IL36G: variants seen among roughly 807,000 people sequenced by gnomAD.
The protein encoded by IL36G is interleukin 36 gamma.
IL36G carries 10 observed loss-of-function variants against 13.5 expected under a neutral mutation model. The observed-to-expected ratio is 0.74, with a 90% confidence interval of 0.46 to 1.26. IL36G has a LOEUF of 1.26. Ranked by LOEUF, IL36G falls within the 50% of genes most tolerant of loss-of-function variation. The pLI, the probability that IL36G is intolerant of heterozygous loss-of-function variation, is 0.00. For missense variants in IL36G, 199 were observed against 203.0 expected (o/e 0.98, Z 0.12); for synonymous variants, 84 against 74.0 (o/e 1.13, Z -0.69).
At chr2:112,980,248 A>G in intron 4 of IL36G, 100 bp downstream of exon 4, 2 of 998,260 alleles carry the variant, frequency 2.0e-6, no homozygotes, top group African/African-American at 3.3e-5. Context: ...TCATCTTCCT[A>G]AGCATATTTA....
intron 4 of IL36G, among the ~76,000 whole-genome samples, chr2:112,980,673 C>A (rs1167251575): frequency 6.6e-5 from 10 of 152,200 alleles, no homozygotes; most frequent in Non-Finnish European, 1.5e-4. Flanking sequence ...AGAAACAGAA[C>A]CACTGCTCTT....
At position 112,980,012 on chromosome 2, in the gene IL36G, C is replaced by T. The variant is rs1234254103; in HGVS notation, c.164C>T (p.Thr55Ile). ...VPRSDSVTPV[T>I]VAVITCKYPE... ...ATCTCTCCTCTTATCTTTACAGTCA[C>T]TGTTGCTGTTATCACATGCAAGTAT... Residue 55 changes from threonine (T) to isoleucine (I), a missense_variant, in exon 4 of 5, where the codon ACT becomes ATT. Physicochemically the swap from Thr to Ile is moderately conservative, Grantham distance 89. Transcript: ENST00000259205. 1.9e-6 allele frequency: 3 copies of T among 1,612,620 alleles called. No homozygotes were observed. Among genetic ancestry groups the T allele is most frequent in the Non-Finnish European group, 2.5e-6 (3 of 1,179,496 alleles).
At chr2:112,981,213 C>A (rs1684255503) in intron 4 of IL36G, 4 of 1,301,518 alleles carry the variant, frequency 3.1e-6, no homozygotes, top group Non-Finnish European at 4.4e-6. Context: ...CCTGTTTTGG[C>A]ATCTCTATTT....
chr2:112,978,675 A>C lies in IL36G; in HGVS notation c.37A>C (p.Arg13=). The change falls in exon 2 of 5, where the codon AGG becomes CGG. Residue 13 remains arginine (R), a synonymous_variant. Transcript: ENST00000259205. ...GTPGDADGGG[R]AVYQSMCKPI... Reference sequence around the variant, plus strand: ...TCCAGGAGACGCTGATGGTGGAGGAAGGGCCGTCTATCAATCAAGTGAATC... The same window carrying C: ...TCCAGGAGACGCTGATGGTGGAGGACGGGCCGTCTATCAATCAAGTGAATC... 6.2e-7 allele frequency: 1 copy of C among 1,614,056 alleles called. No individual in the cohort carries two copies. Among genetic ancestry groups the C allele is most frequent in the Non-Finnish European group, 8.5e-7 (1 of 1,179,930 alleles).
At chr2:112,980,263 C>A in intron 4 of IL36G, 115 bp downstream of exon 4, 1 of 902,788 alleles carries the variant, frequency 1.1e-6, no homozygotes, top group Non-Finnish European at 1.6e-6. Flanking sequence ...TATTTATTCC[C>A]AGCCTCTTTT....
intron 4 of IL36G, among the ~76,000 whole-genome samples, chr2:112,983,712 G>A (rs185156922): frequency 3.4e-4 from 52 of 152,270 alleles, no homozygotes; most frequent in Non-Finnish European, 6.3e-4. Flanking sequence ...GCTGGGTGGC[G>A]TAGACCCTGT....
chr2:112,980,397 C>T (rs568634137), intron 4 of IL36G, among the ~76,000 whole-genome samples: 2 of 151,734 alleles, frequency 1.3e-5, no homozygotes, highest in South Asian at 4.2e-4. Flanking sequence ...TTTCCATAAA[C>T]ATTCATGGTA....
intron 4 of IL36G, chr2:112,981,095 T>C (rs1684253078): frequency 1.3e-5 from 10 of 778,898 alleles, no homozygotes; most frequent in Non-Finnish European, 2.2e-5. Flanking sequence ...TTTATAAAAC[T>C]TGATAAAAAA....
At chr2:112,978,817 C>T in intron 2 of IL36G, 124 bp downstream of exon 2, 1 of 932,034 alleles carries the variant, frequency 1.1e-6, no homozygotes, top group Non-Finnish European at 1.7e-6. Flanking sequence ...CCTGGTGCTG[C>T]CCACCTACCA....
chr2:112,980,087 A>G lies in IL36G; in HGVS notation c.239A>G (p.Gln80Arg), dbSNP rs955696320. The G allele has an allele frequency of 9.9e-6, 16 of 1,614,008 alleles. No individual in the cohort carries two copies. In the Admixed American group the frequency reaches 2.5e-4, roughly 25 times the overall value. The change falls in exon 4 of 5, where the codon CAG (glutamine) becomes CGG (arginine). Residue 80 changes from glutamine (Q) to arginine (R), a missense_variant. By Grantham distance (43) the Gln-to-Arg change is conservative. Transcript: ENST00000259205. ...GGGGATCCCATTTATTTGGGAATCC[A>G]GAATCCAGAAATGTGTTTGTATTGT... ...GRGDPIYLGI[Q>R]NPEMCLYCEK...
intron 4 of IL36G, among the ~76,000 whole-genome samples, chr2:112,982,211 G>A (rs552788693): frequency 1.1e-3 from 161 of 152,340 alleles, no homozygotes; most frequent in African/African-American, 3.8e-3. Context: ...CTGCAGTGGT[G>A]AATAGTGCAA....
In IL36G at chr2:112,979,312, C is replaced by G. The variant is rs1416472924; in HGVS notation, c.147C>G (p.Asp49Glu). The G allele has an allele frequency of 1.2e-5, 19 of 1,606,208 alleles. No homozygotes were observed. Among genetic ancestry groups the G allele is most frequent in the Non-Finnish European group, 1.6e-5 (19 of 1,172,842 alleles). Residue 49 changes from aspartate to glutamate, a missense_variant, in exon 3 of 5, where the codon GAC becomes GAG. Asp to Glu is a conservative substitution (Grantham distance 45, BLOSUM62 2). Transcript: ENST00000259205. ...GQNLVAVPRSDSVTPVTVAVI... is the reference protein window; with the variant it reads ...GQNLVAVPRSESVTPVTVAVI... ...ACCTTGTGGCAGTTCCACGAAGTGACAGTGTGACCCCAGGTGAGTGGTCAC... is the reference window on the plus strand; with the variant it reads ...ACCTTGTGGCAGTTCCACGAAGTGAGAGTGTGACCCCAGGTGAGTGGTCAC...
chr2:112,985,452 T>C lies in IL36G; in HGVS notation c.*403T>C. 5.5e-6 allele frequency: 1 copy of C among 183,008 alleles called. No homozygotes were observed. Among genetic ancestry groups the C allele is most frequent in the Non-Finnish European group, 1.2e-5 (1 of 85,486 alleles). 11.3% of individuals were successfully genotyped at this position (183,008 alleles called of 1,614,324 possible). A position where few individuals can be genotyped will look rare whatever the true frequency, so the allele number is the denominator to read the frequency against. On this transcript the variant is annotated 3_prime_UTR_variant, in exon 5 of 5. Coordinates refer to ENST00000259205, the MANE Select transcript of IL36G (RefSeq NM_019618.4). The stretch of plus-strand genomic sequence containing the variant: ...TCTGTTTCTGTTTTGCTTTATTCCC[T>C]CTTGGGATGATATCATCCAGTCTTT...
rs199830538 is a variant in IL36G at position 112,978,633 on chromosome 2, C to A, written c.-6C>A. ...CTGCTTTCACAGGTGCTGAGACAACCACACTATGAGAGGCACTCCAGGAGA... is the reference window on the plus strand; with the variant it reads ...CTGCTTTCACAGGTGCTGAGACAACAACACTATGAGAGGCACTCCAGGAGA... On this transcript the variant is annotated 5_prime_UTR_variant, in exon 2 of 5. Transcript: ENST00000259205. 17 of 1,613,990 alleles carry A rather than the reference C, an allele frequency of 1.1e-5. No individual in the cohort carries two copies. The East Asian group carries it at 3.3e-4, about 32-fold the overall frequency.
intron 4 of IL36G, among the ~76,000 whole-genome samples, chr2:112,984,597 C>G (rs1684320990): frequency 6.6e-6 from 1 of 152,086 alleles, no homozygotes; most frequent in Admixed American, 6.5e-5. Flanking sequence ...GCTGCTTGTT[C>G]ATTAAACTCT....
rs1214450737 is a variant in IL36G at position 112,985,159 on chromosome 2, C to T, written c.*110C>T. On this transcript the variant is annotated 3_prime_UTR_variant, in exon 5 of 5. Transcript: ENST00000259205. Reference sequence around the variant, plus strand: ...TTTCACGCTGGTGCTGAGACAGGGGCAAGGCTGCTGTTATCATCTCATTTT... The same window carrying T: ...TTTCACGCTGGTGCTGAGACAGGGGTAAGGCTGCTGTTATCATCTCATTTT... The T allele has an allele frequency of 1.5e-6, 1 of 685,792 alleles. No individual in the cohort carries two copies. Among genetic ancestry groups the T allele is most frequent in the East Asian group, 2.7e-5 (1 of 37,008 alleles). 42.5% of individuals were successfully genotyped at this position (685,792 alleles called of 1,614,324 possible).
chr2:112,980,744 C>T (rs1292733883), intron 4 of IL36G, among the ~76,000 whole-genome samples: 1 of 152,176 alleles, frequency 6.6e-6, no homozygotes, highest in Non-Finnish European at 1.5e-5. Context: ...ATACTGGTAA[C>T]CAATGATTGA....
At chr2:112,978,317 A>G (rs1376406780) in intron 1 of IL36G, among the ~76,000 whole-genome samples, 2 of 152,204 alleles carry the variant, frequency 1.3e-5, no homozygotes, top group African/African-American at 4.8e-5. Flanking sequence ...AGAGAAGAGG[A>G]GTCAGGGCAT....
chr2:112,979,980 T>C, intron 3 of IL36G, 29 bp from the exon 4 acceptor site: 1 of 1,603,154 alleles, frequency 6.2e-7, no homozygotes, highest in Non-Finnish European at 8.5e-7. Context: ...AAAAGGAAAC[T>C]GATACCATCT....
Sources: gnomAD v4.1 joint callset for allele counts (sites outside exome capture counted in the v4.1 genomes callset) on GRCh38, gnomAD v4.1.1 for gene constraint, MANE v1.5 for transcripts, NCBI Gene and HGNC (gene_info 2026-07-23, HGNC 2026-07-21) for gene names.